The following NRXN3 variants were observed in gnomAD, a reference collection of about 807,000 sequenced individuals.
NRXN3 encodes neurexin III.
NRXN3 carries 32 observed loss-of-function variants against 137.6 expected under a neutral mutation model. The observed-to-expected ratio is 0.23, with a 90% confidence interval of 0.18 to 0.31. NRXN3 has a LOEUF of 0.31. NRXN3 is among the 10% of genes least tolerant of loss of function. NRXN3 has a pLI of 1.00. For synonymous variants in NRXN3, 798 were observed against 784.5 expected (o/e 1.02, Z -0.29); for missense variants, 1,574 against 2,062.5 (o/e 0.76, Z 4.59).
chr14:78,816,921 A>G (rs866329129), intron 10 of NRXN3, among the ~76,000 whole-genome samples: 5 of 152,206 alleles, frequency 3.3e-5, no homozygotes, highest in Non-Finnish European at 7.4e-5. Context: ...AACATCTTCA[A>G]ATATACATAG....
intron 17 of NRXN3, among the ~76,000 whole-genome samples, chr14:79,680,321 G>T (rs1249033819): frequency 1.3e-5 from 2 of 152,102 alleles, no homozygotes; most frequent in Non-Finnish European, 2.9e-5. Context: ...GGAGGTGAAG[G>T]TTGCAGGGAG....
At chr14:79,273,034 T>C (rs540151409) in intron 15 of NRXN3, among the ~76,000 whole-genome samples, 47 of 151,750 alleles carry the variant, frequency 3.1e-4, no homozygotes, top group African/African-American at 1.1e-3. Flanking sequence ...TAGCTGGGCA[T>C]GGTGGCTTGC....
intron 15 of NRXN3, among the ~76,000 whole-genome samples, chr14:79,265,752 C>A (rs976299915): frequency 3.9e-5 from 6 of 152,178 alleles, no homozygotes; most frequent in Admixed American, 3.9e-4. Flanking sequence ...TGATGTTTCA[C>A]TCCCACGCAA....
At chr14:79,530,063 A>T (rs555006440) in intron 16 of NRXN3, among the ~76,000 whole-genome samples, 1 of 152,196 alleles carries the variant, frequency 6.6e-6, no homozygotes, top group Non-Finnish European at 1.5e-5. Context: ...GGAAATACCT[A>T]AAAACATCTT....
chr14:79,378,044 C>G (rs2094356537), intron 15 of NRXN3, among the ~76,000 whole-genome samples: 1 of 152,162 alleles, frequency 6.6e-6, no homozygotes, highest in South Asian at 2.1e-4. Context: ...TTGTCATGGC[C>G]TCAGGCTAAT....
intron 4 of NRXN3, among the ~76,000 whole-genome samples, chr14:78,457,624 CTG>C (rs1293986962): frequency 6.6e-6 from 1 of 152,124 alleles, no homozygotes; most frequent in African/African-American, 2.4e-5. Flanking sequence ...AAGTCAGAAA[CTG>C]TGAAGGGTCT....
intron 19 of NRXN3, among the ~76,000 whole-genome samples, chr14:79,786,194 A>G (rs2099128933): frequency 6.6e-6 from 1 of 152,206 alleles, no homozygotes; most frequent in Non-Finnish European, 1.5e-5. Context: ...AAAGCTATAG[A>G]CTGTTTATGG....
intron 4 of NRXN3, among the ~76,000 whole-genome samples, chr14:78,351,126 A>G (rs1046437164): frequency 6.6e-6 from 1 of 152,160 alleles, no homozygotes; most frequent in African/African-American, 2.4e-5. Context: ...ATTATATAGT[A>G]CTCACAGAAA....
chr14:78,458,544 T>C (rs1468698456), intron 4 of NRXN3, among the ~76,000 whole-genome samples: 1 of 152,226 alleles, frequency 6.6e-6, no homozygotes, highest in Admixed American at 6.5e-5. Context: ...TTCCATCTTT[T>C]CTACTTTTGT....
At chr14:79,591,725 T>C (rs2097804896) in intron 16 of NRXN3, among the ~76,000 whole-genome samples, 1 of 152,206 alleles carries the variant, frequency 6.6e-6, no homozygotes. Flanking sequence ...TCTAACTCAA[T>C]ATTTTAAGGA....
chr14:78,692,155 A>G (rs2098177380), intron 6 of NRXN3, among the ~76,000 whole-genome samples: 1 of 152,228 alleles, frequency 6.6e-6, no homozygotes, highest in African/African-American at 2.4e-5. Context: ...AACACCTAAT[A>G]CTACCTGCTT....
At chr14:79,843,599 C>G (rs1269374493) in intron 20 of NRXN3, among the ~76,000 whole-genome samples, 1 of 152,132 alleles carries the variant, frequency 6.6e-6, no homozygotes, top group African/African-American at 2.4e-5. Context: ...AGTCAGTCCT[C>G]TCAAACTGTG....
chr14:78,759,385 CTT>C (rs1292214051), intron 8 of NRXN3, among the ~76,000 whole-genome samples: 2 of 152,182 alleles, frequency 1.3e-5, no homozygotes, highest in Non-Finnish European at 2.9e-5. Flanking sequence ...AGGTAATACT[CTT>C]TAAGATATTT....
At chr14:78,533,717 T>A (rs903735814) in intron 4 of NRXN3, among the ~76,000 whole-genome samples, 1 of 152,224 alleles carries the variant, frequency 6.6e-6, no homozygotes, top group Admixed American at 6.5e-5. Flanking sequence ...ATCAGCTCGA[T>A]ATCATCTCTC....
intron 15 of NRXN3, among the ~76,000 whole-genome samples, chr14:79,036,593 G>GTTTTTTTT (rs57154485): frequency 2.0e-5 from 2 of 101,654 alleles, no homozygotes; most frequent in Non-Finnish European, 3.9e-5. Flanking sequence ...TTCGTTTTGG[G>GTTTTTTTT]TTTTTTTTTT....
At chr14:79,502,210 CTAATCCTCT>C (rs1435651205) in intron 16 of NRXN3, among the ~76,000 whole-genome samples, 1 of 152,170 alleles carries the variant, frequency 6.6e-6, no homozygotes, top group Non-Finnish European at 1.5e-5. Flanking sequence ...GCTATCTTTT[CTAATCCTCT>C]TTAAAAGGCC....
Position 78,709,609 on chromosome 14 carries a change from T to A in NRXN3, c.1614T>A (p.Asn538Lys). Residue 538 changes from asparagine (N) to lysine (K), a missense_variant, in exon 7 of 21, where the codon AAT becomes AAA. This residue lies in a region of NRXN3 where 718 missense variants were observed against 887.6 expected (regional missense o/e 0.81). Transcript: ENST00000335750. ...TGAAAGCCACTCAGAAGAAAGCCAA[T>A]GATGGGGAATGGTACCATGTGGACA... is the stretch of plus-strand genomic sequence containing the variant. ...IKVKATQKKANDGEWYHVDIQ... is the reference protein window; with the variant it reads ...IKVKATQKKAKDGEWYHVDIQ... 1 of 1,613,734 alleles carries A rather than the reference T, an allele frequency of 6.2e-7. No individual in the cohort carries two copies. Among genetic ancestry groups the A allele is most frequent in the Admixed American group, 1.7e-5 (1 of 60,000 alleles).
chr14:79,491,528 T>C (rs2096716556), intron 16 of NRXN3, among the ~76,000 whole-genome samples: 1 of 152,066 alleles, frequency 6.6e-6, no homozygotes, highest in African/African-American at 2.4e-5. Context: ...GACTTTTATC[T>C]TACTAGTAGA....
chr14:79,273,983 G>C (rs981966935), intron 15 of NRXN3, among the ~76,000 whole-genome samples: 1 of 151,674 alleles, frequency 6.6e-6, no homozygotes, highest in African/African-American at 2.4e-5. Context: ...TGTAATCCCA[G>C]CTACTCGGGA....
Sources: allele counts gnomAD v4.1 joint callset (sites outside exome capture counted in the v4.1 genomes callset), GRCh38; gene constraint gnomAD v4.1.1; regional missense constraint gnomAD v4.1.1; transcripts MANE v1.5; gene names NCBI Gene and HGNC (gene_info 2026-07-23, HGNC 2026-07-21).